Variants in UBE2D2 observed in about 807,000 individuals in gnomAD.
The protein encoded by UBE2D2 is ubiquitin-conjugating enzyme E2 D2.
UBE2D2 carries 2 observed loss-of-function variants against 24.2 expected under a neutral mutation model. The observed-to-expected ratio is 0.08, with a 90% CI of 0.03 to 0.26. The LOEUF (loss-of-function observed/expected upper bound fraction) is 0.26, where lower values mean the gene tolerates loss of function less well. Among genes scored for constraint, UBE2D2 ranks in the 10% least tolerant of loss-of-function variants. The probability of loss-of-function intolerance (pLI) is 1.00; values close to 1 mark genes in which losing one functional copy is unlikely to be tolerated. For missense variants in UBE2D2, 44 were observed against 177.6 expected, an observed-to-expected ratio of 0.25 and a Z score of 4.28; for synonymous variants, 58 against 56.5, an observed-to-expected ratio of 1.03 and a Z score of -0.12.
chr5:139,588,020 C>T (rs1212571220), intron 1 of UBE2D2, among the ~76,000 whole-genome samples: 1 of 152,144 alleles, frequency 6.6e-6, no homozygotes, highest in Non-Finnish European at 1.5e-5. Flanking sequence ...TCCAGCTAGT[C>T]CTGTCTCTCC....
chr5:139,537,584 C>T (rs945811186), intron 1 of UBE2D2, among the ~76,000 whole-genome samples: 1 of 151,906 alleles, frequency 6.6e-6, no homozygotes, highest in Non-Finnish European at 1.5e-5. Context: ...AAACTCCTGA[C>T]CTCAGGTGAT....
chr5:139,617,255 A>G (rs1208500164), intron 5 of UBE2D2, among the ~76,000 whole-genome samples: 6 of 152,166 alleles, frequency 3.9e-5, no homozygotes, highest in Non-Finnish European at 8.8e-5. Context: ...AAAAGCAGAA[A>G]AAAGAAAAAA....
At chr5:139,595,540 G>T (rs2126680597) in intron 1 of UBE2D2, among the ~76,000 whole-genome samples, 1 of 152,042 alleles carries the variant, frequency 6.6e-6, no homozygotes, top group South Asian at 2.1e-4. Context: ...ACCACGCCTG[G>T]CTAATTTTTG....
At chr5:139,591,560 G>T (rs575521742) in intron 1 of UBE2D2, among the ~76,000 whole-genome samples, 2 of 152,244 alleles carry the variant, frequency 1.3e-5, no homozygotes, top group East Asian at 3.9e-4. Context: ...CCATCGGTTT[G>T]TCTGTCTTTA....
At chr5:139,579,187 G>C (rs1206926554) in intron 1 of UBE2D2, among the ~76,000 whole-genome samples, 3 of 152,042 alleles carry the variant, frequency 2.0e-5, no homozygotes, top group African/African-American at 7.2e-5. Context: ...CGCTTTTGTT[G>C]CCCAGGCTGG....
chr5:139,550,881 C>T (rs147121639), intron 1 of UBE2D2, among the ~76,000 whole-genome samples: 1 of 152,182 alleles, frequency 6.6e-6, no homozygotes, highest in Admixed American at 6.5e-5. Context: ...TCTTTAAGAA[C>T]TGTAGCACTC....
intron 1 of UBE2D2, among the ~76,000 whole-genome samples, chr5:139,548,724 T>C (rs1752869121): frequency 6.6e-6 from 1 of 152,182 alleles, no homozygotes; most frequent in African/African-American, 2.4e-5. Context: ...GCTAACATTA[T>C]CTCCATTTTA....
At chr5:139,624,939 A>G (rs1754583309) in intron 6 of UBE2D2, among the ~76,000 whole-genome samples, 1 of 152,162 alleles carries the variant, frequency 6.6e-6, no homozygotes, top group Admixed American at 6.6e-5. Context: ...GTTTTGTCCG[A>G]TATTTAGAAT....
In UBE2D2 at chr5:139,608,594, T is replaced by A. The variant is rs370686659; in HGVS notation, c.89-5992T>A. Among the ~76,000 whole-genome samples the A allele has an allele frequency of 2.1e-3, 305 of 148,350 alleles. 2 individuals are homozygous for A. The highest frequency in any genetic ancestry group is 6.8e-3 in the African/African-American group (278 of 40,616). On this transcript the variant is annotated intron_variant, in intron 2 of 6. Transcript: ENST00000398733. The stretch of plus-strand genomic sequence containing the variant: ...ACATGGGAAGACCCCGTCTCTATTT[T>A]AAAAAAAAAAGAAGAAGAAGGGTAT...
chr5:139,625,691 G>A (rs1006770619), intron 6 of UBE2D2, among the ~76,000 whole-genome samples: 8 of 151,456 alleles, frequency 5.3e-5, no homozygotes, highest in Non-Finnish European at 7.4e-5. Flanking sequence ...TGCAGCCTCT[G>A]CCTCCCAGGC....
chr5:139,560,274 G>A (rs1374344330), upstream of UBE2D2, among the ~76,000 whole-genome samples: 1 of 146,286 alleles, frequency 6.8e-6, no homozygotes, highest in Non-Finnish European at 1.5e-5. Context: ...CTCGGCTCAC[G>A]GCAACCTCCG....
In UBE2D2 at chr5:139,572,647, C is replaced by CTTT. The variant is rs35460912; in HGVS notation, c.24+10846_24+10848dup. Among the ~76,000 whole-genome samples, 4 of 137,950 alleles carry CTTT rather than the reference C, an allele frequency of 2.9e-5. No individual in the cohort carries two copies. In the East Asian group the frequency reaches 8.6e-4, roughly 30 times the overall value. The allele number at this position is 137,950 out of a possible 152,430, so 90.5% of individuals were successfully genotyped here. On this transcript the variant is annotated intron_variant, in intron 1 of 6. Transcript: ENST00000398733. ...TACCTCAGATAAATTAATTATTATT[C>CTTT]TTTTTTTTTTTTTTTTGAGACAGAG...
Position 139,586,754 on chromosome 5 carries a change from G to A in UBE2D2, c.25-13618G>A, listed in dbSNP as rs539594551. 3.4e-4 allele frequency among the ~76,000 whole-genome samples: 52 copies of A among 151,634 alleles called. 1 individual carries two copies. The highest frequency in any genetic ancestry group is 1.5e-3 in the South Asian group (7 of 4,814). Reference sequence around the variant, plus strand: ...CACTCCAGCCTGGGCGACAGAGCGAGACTCCGTCTCAAAAAAAAAAAGAAT... The same window carrying A: ...CACTCCAGCCTGGGCGACAGAGCGAAACTCCGTCTCAAAAAAAAAAAGAAT... On this transcript the variant is annotated intron_variant, in intron 1 of 6. Coordinates refer to ENST00000398733, the MANE Select transcript of UBE2D2 (RefSeq NM_003339.3).
intron 2 of UBE2D2, among the ~76,000 whole-genome samples, chr5:139,600,752 G>A (rs1754054714): frequency 6.6e-6 from 1 of 152,160 alleles, no homozygotes. Flanking sequence ...ATGATAGTAT[G>A]TGTGTCTGTG....
intron 1 of UBE2D2, among the ~76,000 whole-genome samples, chr5:139,553,450 T>C (rs1752945774): frequency 6.6e-6 from 1 of 152,174 alleles, no homozygotes; most frequent in African/African-American, 2.4e-5. Flanking sequence ...TCTCCAGCTA[T>C]ATCACAGCTG....
intron 1 of UBE2D2, among the ~76,000 whole-genome samples, chr5:139,534,650 C>G (rs914982905): frequency 6.6e-6 from 1 of 150,870 alleles, no homozygotes; most frequent in Admixed American, 6.6e-5. Flanking sequence ...GCAGGAGAAT[C>G]GCTTGAACCT....
At position 139,623,364 on chromosome 5, in the gene UBE2D2, C is replaced by G; in HGVS notation, c.305-4C>G. On this transcript the variant is annotated splice_region_variant and splice_polypyrimidine_tract_variant and intron_variant, in intron 5 of 6. Transcript: ENST00000398733. ...GCTAATTTATATGATTTTTTTCATT[C>G]TAGTACTCTTGTCCATCTGTTCTCT... is the stretch of plus-strand genomic sequence containing the variant. 2 of 1,576,626 alleles carry G rather than the reference C, an allele frequency of 1.3e-6. No individual in the cohort carries two copies. Among genetic ancestry groups the G allele is most frequent in the Non-Finnish European group, 1.7e-6 (2 of 1,153,126 alleles).
At chr5:139,585,925 G>C (rs1322853869) in intron 1 of UBE2D2, among the ~76,000 whole-genome samples, 1 of 106,044 alleles carries the variant, frequency 9.4e-6, no homozygotes, top group African/African-American at 3.8e-5. Flanking sequence ...AACAGAGCGA[G>C]ACTCTGTCTC....
intron 1 of UBE2D2, among the ~76,000 whole-genome samples, chr5:139,576,693 G>A (rs1158259236): frequency 6.6e-6 from 1 of 152,038 alleles, no homozygotes; most frequent in Non-Finnish European, 1.5e-5. Flanking sequence ...TACTGTAGTA[G>A]ATGATACTTG....
Sources: gnomAD v4.1 joint callset for allele counts (sites outside exome capture counted in the v4.1 genomes callset) on GRCh38, gnomAD v4.1.1 for gene constraint, MANE v1.5 for transcripts, NCBI Gene and HGNC (gene_info 2026-07-23, HGNC 2026-07-21) for gene names.